The following SLC71A2 variants were observed in gnomAD, a reference collection of about 807,000 sequenced individuals.
The protein encoded by SLC71A2 is hippocampus abundant transcript-like 1.
chr9:94,453,143 G>C, the SLC71A2 span, among the ~76,000 whole-genome samples: 1 of 140,006 alleles, frequency 7.1e-6, no homozygotes, highest in Admixed American at 7.8e-5. Flanking sequence ...CATAAACTCA[G>C]CCATCTTTTT....
the SLC71A2 span, among the ~76,000 whole-genome samples, chr9:94,452,098 T>C: frequency 6.6e-6 from 1 of 152,254 alleles, no homozygotes; most frequent in Admixed American, 6.5e-5. Context: ...CTCTGCTGGG[T>C]CAATTATTTT....
At chr9:94,448,218 T>A in the SLC71A2 span, among the ~76,000 whole-genome samples, 1 of 152,156 alleles carries the variant, frequency 6.6e-6, no homozygotes, top group Non-Finnish European at 1.5e-5. Flanking sequence ...AGGTCATAGC[T>A]CAACTGCTGC....
the SLC71A2 span, among the ~76,000 whole-genome samples, chr9:94,400,078 T>TG: frequency 4.6e-5 from 7 of 152,114 alleles, no homozygotes; most frequent in Admixed American, 2.0e-4. Flanking sequence ...CCCAAAGTTC[T>TG]GGGATTACAC....
chr9:94,385,068 A>C, the SLC71A2 span, among the ~76,000 whole-genome samples: 1 of 151,842 alleles, frequency 6.6e-6, no homozygotes, highest in Non-Finnish European at 1.5e-5. Flanking sequence ...TGAGCCAGTA[A>C]ATTTCATTTC....
At chr9:94,390,264 A>C in the SLC71A2 span, among the ~76,000 whole-genome samples, 1 of 150,006 alleles carries the variant, frequency 6.7e-6, no homozygotes, top group Non-Finnish European at 1.5e-5. Flanking sequence ...CCCCGCTCAT[A>C]AGGGAAACAG....
chr9:94,398,024 T>G, the SLC71A2 span, among the ~76,000 whole-genome samples: 3 of 151,778 alleles, frequency 2.0e-5, no homozygotes, highest in Non-Finnish European at 4.4e-5. Context: ...GGGGGCAGAG[T>G]GTCTGCATAA....
the SLC71A2 span, among the ~76,000 whole-genome samples, chr9:94,449,227 C>T: frequency 2.0e-5 from 3 of 152,254 alleles, no homozygotes; most frequent in East Asian, 3.9e-4. Context: ...TATGACAAAT[C>T]GGAATCATTC....
At chr9:94,439,529 A>C in the SLC71A2 span, among the ~76,000 whole-genome samples, 5 of 141,132 alleles carry the variant, frequency 3.5e-5, no homozygotes, top group Non-Finnish European at 7.6e-5. Context: ...TTGGTTTTTA[A>C]TCCTATTAAT....
chr9:94,444,086 T>C, the SLC71A2 span, among the ~76,000 whole-genome samples: 1 of 152,258 alleles, frequency 6.6e-6, no homozygotes, highest in Non-Finnish European at 1.5e-5. Flanking sequence ...GCCAGAAATT[T>C]TGGGATTTTT....
chr9:94,387,884 T>A, the SLC71A2 span, among the ~76,000 whole-genome samples: 92 of 152,224 alleles, frequency 6.0e-4, no homozygotes, highest in Non-Finnish European at 6.3e-4. Context: ...CACGAGGAGA[T>A]CTGAAGAAAA....
the SLC71A2 span, chr9:94,429,225 A>G: frequency 6.2e-7 from 1 of 1,605,006 alleles, no homozygotes; most frequent in Non-Finnish European, 8.5e-7. Flanking sequence ...CACATTCCTC[A>G]TGAATGGTCT....
chr9:94,414,767 C>G, the SLC71A2 span, among the ~76,000 whole-genome samples: 3 of 152,156 alleles, frequency 2.0e-5, no homozygotes, highest in African/African-American at 7.2e-5. Context: ...TCAAGCAATT[C>G]TCCTGCCTCA....
the SLC71A2 span, among the ~76,000 whole-genome samples, chr9:94,448,521 A>G: frequency 1.3e-5 from 2 of 152,084 alleles, no homozygotes; most frequent in Non-Finnish European, 2.9e-5. Flanking sequence ...CCTAAGATAA[A>G]TTCCTCTTTT....
chr9:94,378,059 G>C, the SLC71A2 span, among the ~76,000 whole-genome samples: 2 of 151,624 alleles, frequency 1.3e-5, no homozygotes, highest in Non-Finnish European at 2.9e-5. Context: ...AGCTGAGATC[G>C]TGCCACTGCA....
the SLC71A2 span, among the ~76,000 whole-genome samples, chr9:94,390,849 G>T: frequency 1.3e-5 from 2 of 152,078 alleles, no homozygotes; most frequent in Non-Finnish European, 2.9e-5. Flanking sequence ...CTAGGAATTA[G>T]GAGTACCTCA....
At chr9:94,445,906 A>C in the SLC71A2 span, among the ~76,000 whole-genome samples, 2 of 152,252 alleles carry the variant, frequency 1.3e-5, no homozygotes, top group African/African-American at 4.8e-5. Flanking sequence ...GGCATGACCT[A>C]GGGATCCTGC....
the SLC71A2 span, among the ~76,000 whole-genome samples, chr9:94,442,240 C>G: frequency 6.6e-6 from 1 of 152,146 alleles, no homozygotes; most frequent in Admixed American, 6.5e-5. Flanking sequence ...TCATTCATTG[C>G]TGACTGAATG....
At chr9:94,434,124 CAATT>C in the SLC71A2 span, among the ~76,000 whole-genome samples, 30 of 152,218 alleles carry the variant, frequency 2.0e-4, no homozygotes, top group East Asian at 4.6e-3. Flanking sequence ...TGTGAAATAA[CAATT>C]AGGGTAAAAT....
chr9:94,391,515 G>T, the SLC71A2 span, among the ~76,000 whole-genome samples: 3 of 151,850 alleles, frequency 2.0e-5, no homozygotes, highest in South Asian at 2.1e-4. Context: ...GTCAGGAGGA[G>T]AAATTAATTA....
Sources: gnomAD v4.1 joint callset for allele counts (sites outside exome capture counted in the v4.1 genomes callset) on GRCh38, gnomAD v4.1.1 for gene constraint, MANE v1.5 for transcripts, NCBI Gene and HGNC (gene_info 2026-07-23, HGNC 2026-07-21) for gene names.